The following AFG2A variants were observed in gnomAD, a reference collection of about 807,000 sequenced individuals.
AFG2A encodes ATPase family gene 2 protein homolog A.
chr4:123,244,586 T>G, the AFG2A span, among the ~76,000 whole-genome samples: 1 of 152,258 alleles, frequency 6.6e-6, no homozygotes, highest in East Asian at 1.9e-4. Context: ...GAATATTGTT[T>G]AAGAATGATG....
At chr4:123,009,882 G>A in the AFG2A span, among the ~76,000 whole-genome samples, 3 of 151,636 alleles carry the variant, frequency 2.0e-5, no homozygotes, top group Non-Finnish European at 4.4e-5. Context: ...TCAGATTTTA[G>A]GCCATTATGG....
the AFG2A span, among the ~76,000 whole-genome samples, chr4:123,302,303 C>T: frequency 6.6e-6 from 1 of 152,054 alleles, no homozygotes; most frequent in Middle Eastern, 3.4e-3. Flanking sequence ...TACATGAGTG[C>T]TTTTACCCAA....
At chr4:122,962,424 G>C in the AFG2A span, among the ~76,000 whole-genome samples, 1 of 152,184 alleles carries the variant, frequency 6.6e-6, no homozygotes, top group Non-Finnish European at 1.5e-5. Context: ...TTGTCCTACT[G>C]TGTAAATATT....
chr4:123,101,829 G>C, the AFG2A span, among the ~76,000 whole-genome samples: 1 of 151,880 alleles, frequency 6.6e-6, no homozygotes. Flanking sequence ...AAATATGATA[G>C]GGGCCAGAGT....
chr4:123,282,771 TTA>T, the AFG2A span, among the ~76,000 whole-genome samples: 8 of 49,238 alleles, frequency 1.6e-4, no homozygotes, highest in Admixed American at 4.5e-4. Context: ...TTATTTAAAA[TTA>T]AAAAAAAAAA....
chr4:123,191,149 T>C, the AFG2A span, among the ~76,000 whole-genome samples: 5 of 152,202 alleles, frequency 3.3e-5, no homozygotes, highest in Admixed American at 3.3e-4. Context: ...AATTAATTCA[T>C]TTGGTTAATT....
the AFG2A span, chr4:123,090,536 A>G: frequency 6.2e-7 from 1 of 1,606,052 alleles, no homozygotes; most frequent in Non-Finnish European, 8.5e-7. Flanking sequence ...ATAGTATTTG[A>G]AGATAAGTAA....
chr4:122,923,162 G>A, the AFG2A span: 1 of 1,614,248 alleles, frequency 6.2e-7, no homozygotes, highest in Non-Finnish European at 8.5e-7. Flanking sequence ...AAGAAGAATA[G>A]AAAGCGGTTG....
At chr4:123,293,055 C>T in the AFG2A span, among the ~76,000 whole-genome samples, 14 of 152,140 alleles carry the variant, frequency 9.2e-5, no homozygotes, top group African/African-American at 2.7e-4. Flanking sequence ...ACACTCATGT[C>T]GCAATGTTCT....
At chr4:122,977,710 G>C in the AFG2A span, among the ~76,000 whole-genome samples, 101,299 of 151,664 alleles carry the variant, frequency 0.67, 34,362 homozygotes, top group Non-Finnish European at 0.74. Flanking sequence ...GAGTTCTTGT[G>C]CAGCCTTTAG....
At chr4:122,934,293 G>T in the AFG2A span, 1 of 1,614,158 alleles carries the variant, frequency 6.2e-7, no homozygotes, top group Admixed American at 1.7e-5. Context: ...TATCCTTACA[G>T]CTAAGCCAGT....
At chr4:123,153,471 ATTTAT>A in the AFG2A span, among the ~76,000 whole-genome samples, 1 of 152,138 alleles carries the variant, frequency 6.6e-6, no homozygotes, top group Non-Finnish European at 1.5e-5. Context: ...TTTCTTCGAC[ATTTAT>A]TTTAAGTTCC....
the AFG2A span, among the ~76,000 whole-genome samples, chr4:123,096,630 A>G: frequency 6.6e-6 from 1 of 152,096 alleles, no homozygotes; most frequent in Non-Finnish European, 1.5e-5. Context: ...TACCTACTAT[A>G]TAACAAGCTC....
At chr4:123,007,540 ATGTGTATGTATGTG>A in the AFG2A span, among the ~76,000 whole-genome samples, 5 of 108,334 alleles carry the variant, frequency 4.6e-5, no homozygotes, top group Admixed American at 9.5e-5. Context: ...ATATATATAT[ATGTGTATGTATGTG>A]TGTGTGTGTG....
At chr4:123,278,470 T>C in the AFG2A span, among the ~76,000 whole-genome samples, 1 of 152,196 alleles carries the variant, frequency 6.6e-6, no homozygotes, top group Non-Finnish European at 1.5e-5. Context: ...AGCTCTCATT[T>C]TGGTGATTTC....
the AFG2A span, among the ~76,000 whole-genome samples, chr4:123,006,867 G>T: frequency 1.3e-5 from 2 of 148,682 alleles, no homozygotes; most frequent in Non-Finnish European, 3.0e-5. Flanking sequence ...CTCCTTACGG[G>T]TATATTTTCC....
At chr4:122,958,872 A>C in the AFG2A span, among the ~76,000 whole-genome samples, 1 of 152,186 alleles carries the variant, frequency 6.6e-6, no homozygotes, top group Non-Finnish European at 1.5e-5. Flanking sequence ...AGGAAGCTGG[A>C]GGCAGGATCT....
At chr4:123,037,559 C>CTA in the AFG2A span, among the ~76,000 whole-genome samples, 3 of 151,964 alleles carry the variant, frequency 2.0e-5, no homozygotes, top group African/African-American at 7.2e-5. Flanking sequence ...GGGACTGAGA[C>CTA]TATACTATAT....
chr4:123,264,723 A>G, the AFG2A span, among the ~76,000 whole-genome samples: 4 of 152,208 alleles, frequency 2.6e-5, no homozygotes, highest in Admixed American at 2.0e-4. Flanking sequence ...GGTAAAAGCC[A>G]AGACCCATCA....
Sources: gnomAD v4.1 joint callset for allele counts (sites outside exome capture counted in the v4.1 genomes callset) on GRCh38, gnomAD v4.1.1 for gene constraint, MANE v1.5 for transcripts, NCBI Gene and HGNC (gene_info 2026-07-23, HGNC 2026-07-21) for gene names.